MOCS1: variants seen among roughly 807,000 people sequenced by gnomAD.
MOCS1 encodes the protein molybdenum cofactor synthesis 1.
A neutral mutation model predicts 57.6 loss-of-function variants in MOCS1; 39 were observed. That is an observed-to-expected ratio of 0.68 (90% CI 0.52 to 0.88). The LOEUF is 0.88. Among genes scored for constraint, MOCS1 ranks in the 40% least tolerant of loss-of-function variants. The pLI is 0.00. For synonymous variants in MOCS1, 334 were observed against 335.7 expected (o/e 1.00, Z 0.05); for missense variants, 795 against 831.1 (o/e 0.96, Z 0.53).
rs373489919 is a variant in MOCS1 at position 39,925,802 on chromosome 6, T to A, written c.294A>T (p.Lys98Asn). ...MPEEGVPLTP[K>N]ANLLTTEEIL... ...TCTCCTCTGTGGTCAGCAGGTTGGC[T>A]TTGGGGGTCAGCGGGACCCCCTCCT... is the stretch of plus-strand genomic sequence containing the variant. The change falls in exon 3 of 11, where the codon AAA becomes AAT. Residue 98 changes from lysine (K) to asparagine (N), a missense_variant. By Grantham distance (94) the Lys-to-Asn change is moderately conservative. Around this residue, in one of 3 missense-constraint regions of MOCS1, gnomAD observed 416 missense variants for 392.4 expected, o/e 1.06. Coordinates refer to ENST00000340692, the MANE Select transcript of MOCS1 (RefSeq NM_001358530.2). 28 of 1,612,682 alleles carry A rather than the reference T, an allele frequency of 1.7e-5. No individual in the cohort carries two copies. The highest frequency in any genetic ancestry group is 3.3e-4 in the Middle Eastern group (2 of 6,080).
At chr6:39,922,885 C>T (rs2149415496) in intron 3 of MOCS1, among the ~76,000 whole-genome samples, 1 of 152,330 alleles carries the variant, frequency 6.6e-6, no homozygotes, top group African/African-American at 2.4e-5. Flanking sequence ...CGTGAACATC[C>T]TGGCCCTGAC....
chr6:39,913,888 C>T, intron 4 of MOCS1, 53 bp from the exon 5 acceptor site: 2 of 1,555,312 alleles, frequency 1.3e-6, no homozygotes, highest in Non-Finnish European at 1.8e-6. Context: ...CCTCTTCCCC[C>T]ACACCCCCAC....
At chr6:39,916,363 C>A in intron 3 of MOCS1, 131 bp from the exon 4 acceptor site, 1 of 1,057,220 alleles carries the variant, frequency 9.5e-7, no homozygotes. Flanking sequence ...CCTATATTAA[C>A]CAGGCCTAAC....
At chr6:39,911,434 C>T (rs111978799) in intron 8 of MOCS1, among the ~76,000 whole-genome samples, 107 of 152,322 alleles carry the variant, frequency 7.0e-4, no homozygotes, top group African/African-American at 2.3e-3. Flanking sequence ...CACACTCTAA[C>T]ATATTTGGAG....
In MOCS1 at chr6:39,906,119, G is replaced by A. The variant is rs746653703; in HGVS notation, c.*238C>T. The A allele has an allele frequency of 1.5e-4, 100 of 679,180 alleles. No homozygotes were observed. The highest frequency in any genetic ancestry group is 2.4e-5 in the Non-Finnish European group (9 of 373,176). The allele number at this position is 679,180 out of a possible 1,614,324, so 42.1% of individuals were successfully genotyped here. A position where few individuals can be genotyped will look rare whatever the true frequency, so the allele number is the denominator to read the frequency against. ...TTGCAGTCCCGCTCCCACGACCTTA[G>A]TGTCCTGGAAGGCTTAAGGGCCTGC... On this transcript the variant is annotated 3_prime_UTR_variant, in exon 11 of 11. Transcript: ENST00000340692.
At chr6:39,911,615 C>G (rs562850577) in intron 8 of MOCS1, among the ~76,000 whole-genome samples, 6 of 152,322 alleles carry the variant, frequency 3.9e-5, no homozygotes, top group African/African-American at 1.4e-4. Flanking sequence ...CCATAGCTGA[C>G]TTTAATCTGC....
chr6:39,906,503 C>T lies in MOCS1; in HGVS notation c.1765G>A (p.Val589Met), dbSNP rs1206678515. The change falls in exon 11 of 11, where the codon GTG becomes ATG. Residue 589 changes from valine (V) to methionine (M), a missense_variant. This residue lies in a region of MOCS1 where 374 missense variants were observed against 422.6 expected (regional missense o/e 0.89). Coordinates refer to ENST00000340692, the MANE Select transcript of MOCS1 (RefSeq NM_001358530.2). ...GCAGAGGTCAGGGCCTCCATCTCCA[C>T]CCCGGTGGGGCCCCGAGCCCGGCAA... ...ASCRARGPTG[V>M]EMEALTSAAV... is the part of the protein sequence containing the mutation. 6.2e-7 allele frequency: 1 copy of T among 1,613,976 alleles called. No homozygotes were observed. Among genetic ancestry groups the T allele is most frequent in the African/African-American group, 1.3e-5 (1 of 74,952 alleles).
chr6:39,924,146 T>C (rs1212357017), intron 3 of MOCS1, among the ~76,000 whole-genome samples: 3 of 152,264 alleles, frequency 2.0e-5, no homozygotes, highest in African/African-American at 4.8e-5. Flanking sequence ...GCACTTGCCA[T>C]AGGCTGGGCA....
intron 3 of MOCS1, among the ~76,000 whole-genome samples, chr6:39,919,898 T>C (rs1767869866): frequency 6.6e-6 from 1 of 152,192 alleles, no homozygotes; most frequent in African/African-American, 2.4e-5. Flanking sequence ...GGTGATCTGA[T>C]CTGGGGTTAG....
At chr6:39,924,964 C>T (rs556507802) in intron 3 of MOCS1, among the ~76,000 whole-genome samples, 1 of 152,240 alleles carries the variant, frequency 6.6e-6, no homozygotes, top group African/African-American at 2.4e-5. Context: ...CCTGTAAGCC[C>T]AGCTACTCTG....
chr6:39,907,472 CCCTT>C (rs1767034718), intron 10 of MOCS1, among the ~76,000 whole-genome samples: 1 of 152,134 alleles, frequency 6.6e-6, no homozygotes, highest in Non-Finnish European at 1.5e-5. Flanking sequence ...CTCTGAATGT[CCCTT>C]CATTTTCTTA....
chr6:39,910,629 G>A (rs1767265112), intron 8 of MOCS1, among the ~76,000 whole-genome samples: 1 of 152,190 alleles, frequency 6.6e-6, no homozygotes, highest in Non-Finnish European at 1.5e-5. Flanking sequence ...AGGCACTGTG[G>A]CCACAGAGAA....
At chr6:39,914,972 C>T (rs1013352652) in intron 4 of MOCS1, among the ~76,000 whole-genome samples, 5 of 152,138 alleles carry the variant, frequency 3.3e-5, no homozygotes, top group Non-Finnish European at 7.3e-5. Context: ...CTCCTGCTCC[C>T]CCTCAGAGTA....
intron 3 of MOCS1, 86 bp from the exon 4 acceptor site, chr6:39,916,318 C>CAGACAAGA: frequency 6.5e-7 from 1 of 1,529,750 alleles, no homozygotes; most frequent in East Asian, 2.3e-5. Context: ...ACTCTTTGTC[C>CAGACAAGA]AGACAAGATG....
intron 3 of MOCS1, among the ~76,000 whole-genome samples, chr6:39,921,433 G>C (rs751672915): frequency 4.6e-5 from 7 of 152,040 alleles, no homozygotes; most frequent in Non-Finnish European, 8.8e-5. Context: ...AAACATTGGT[G>C]GTATAGTGGG....
chr6:39,920,750 A>C (rs926087929), intron 3 of MOCS1, among the ~76,000 whole-genome samples: 7 of 150,922 alleles, frequency 4.6e-5, no homozygotes, highest in Non-Finnish European at 1.0e-4. Flanking sequence ...AGGCCAGGGC[A>C]GGAGGATCAC....
rs562596860 is a variant in MOCS1, at chr6:39,927,801, C to T, written c.124-346G>A. On this transcript the variant is annotated intron_variant, in intron 1 of 10. Transcript: ENST00000340692. ...AGCCAGTGCCAAAAAAAGGATTGTG[C>T]ACCCATGGTCTCGGGCATAAATGAG... 3.7e-6 allele frequency: 5 copies of T among 1,356,736 alleles called. No individual in the cohort carries two copies. The South Asian group carries it at 4.4e-5, about 12-fold the overall frequency. The allele number at this position is 1,356,736 out of a possible 1,614,324, so 84.0% of individuals were successfully genotyped here. A position where few individuals can be genotyped will look rare whatever the true frequency, so the allele number is the denominator to read the frequency against.
At chr6:39,927,283 C>T in intron 2 of MOCS1, 46 bp downstream of exon 2, 1 of 1,602,656 alleles carries the variant, frequency 6.2e-7, no homozygotes, top group Non-Finnish European at 8.5e-7. Flanking sequence ...AGGGCTGCTT[C>T]AGCAGATGGA....
chr6:39,925,178 A>G (rs1768205480), intron 3 of MOCS1, among the ~76,000 whole-genome samples: 1 of 152,248 alleles, frequency 6.6e-6, no homozygotes, highest in Non-Finnish European at 1.5e-5. Flanking sequence ...TTTCTGGGAA[A>G]GAGTGGCTGG....
Sources: allele counts gnomAD v4.1 joint callset (sites outside exome capture counted in the v4.1 genomes callset), GRCh38; gene constraint gnomAD v4.1.1; regional missense constraint gnomAD v4.1.1; transcripts MANE v1.5; gene names NCBI Gene and HGNC (gene_info 2026-07-23, HGNC 2026-07-21).